The following RTL4 variants were observed in gnomAD, a reference collection of about 807,000 sequenced individuals.
The protein encoded by RTL4 is retrotransposon Gag like 4, also known as retrotransposon Gag-like protein 4.
RTL4 carries 4 observed loss-of-function variants against 5.3 expected under a neutral mutation model. The ratio of observed to expected loss-of-function variants is 0.75; its 90% CI spans 0.37 to 1.72. The LOEUF (loss-of-function observed/expected upper bound fraction) is 1.72. RTL4 is among the 40% of genes most tolerant of loss of function. The pLI is 0.04. For missense variants in RTL4, 260 were observed against 227.1 expected (o/e 1.14, Z -0.93); for synonymous variants, 98 against 87.3 (o/e 1.12, Z -0.68).
chrX:112,114,320 G>T, the RTL4 span, among the ~76,000 whole-genome samples: 1 of 111,796 alleles, frequency 8.9e-6, no homozygotes, highest in Middle Eastern at 4.6e-3. Context: ...CTGACCAGTA[G>T]GGAATTTGTC....
upstream of RTL4, among the ~76,000 whole-genome samples, chrX:112,450,565 G>A (rs1351084667): frequency 9.0e-6 from 1 of 111,424 alleles, no homozygotes; most frequent in Non-Finnish European, 1.9e-5. Flanking sequence ...CCAAAATGAA[G>A]AGGCAAGGTA....
At chrX:112,239,127 C>A in the RTL4 span, among the ~76,000 whole-genome samples, 1 of 111,158 alleles carries the variant, frequency 9.0e-6, no homozygotes, top group Non-Finnish European at 1.9e-5. Flanking sequence ...TCCTCTACCC[C>A]ATTGCCACCT....
chrX:112,213,969 A>G, the RTL4 span, among the ~76,000 whole-genome samples: 1 of 103,004 alleles, frequency 9.7e-6, no homozygotes, highest in Admixed American at 1.0e-4. Flanking sequence ...TCTATGCCAT[A>G]AACTTATTCA....
the RTL4 span, among the ~76,000 whole-genome samples, chrX:112,446,667 G>A: frequency 2.7e-5 from 3 of 112,073 alleles, no homozygotes; most frequent in East Asian, 8.4e-4. Flanking sequence ...GGCCAACATG[G>A]CAAAACTCCA....
the RTL4 span, among the ~76,000 whole-genome samples, chrX:112,342,780 G>T: frequency 3.6e-5 from 4 of 111,840 alleles, no homozygotes; most frequent in Admixed American, 9.5e-5. Context: ...GTCGGAAAGT[G>T]AGTTTTACCT....
chrX:112,115,644 C>G, the RTL4 span, among the ~76,000 whole-genome samples: 1 of 111,583 alleles, frequency 9.0e-6, no homozygotes, highest in South Asian at 3.9e-4. Flanking sequence ...CCTGCCCCCA[C>G]CCCCCCGACA....
chrX:112,087,526 C>T, the RTL4 span, among the ~76,000 whole-genome samples: 733 of 110,632 alleles, frequency 6.6e-3, 1 homozygote, highest in African/African-American at 0.023. Flanking sequence ...CATTTCTCTC[C>T]GGAAAGTTTG....
chrX:112,245,089 T>C, the RTL4 span, among the ~76,000 whole-genome samples: 1 of 112,330 alleles, frequency 8.9e-6, no homozygotes, highest in East Asian at 2.8e-4. Flanking sequence ...GGCTTCCCTT[T>C]GTGGGTAACC....
At chrX:112,148,335 A>C in the RTL4 span, among the ~76,000 whole-genome samples, 2 of 109,387 alleles carry the variant, frequency 1.8e-5, no homozygotes, top group Non-Finnish European at 3.8e-5. Flanking sequence ...TGCAAAAAAA[A>C]AAAAAAAAAA....
At chrX:112,183,567 G>A in the RTL4 span, among the ~76,000 whole-genome samples, 2 of 111,914 alleles carry the variant, frequency 1.8e-5, no homozygotes, top group African/African-American at 6.5e-5. Flanking sequence ...GGACAAAGAA[G>A]GGCATTACAT....
At chrX:112,167,333 C>T in the RTL4 span, among the ~76,000 whole-genome samples, 2 of 111,703 alleles carry the variant, frequency 1.8e-5, no homozygotes, top group Non-Finnish European at 3.8e-5. Flanking sequence ...AGTGGCCAAG[C>T]AAATTGTGTT....
chrX:112,107,061 T>G, the RTL4 span, among the ~76,000 whole-genome samples: 1 of 111,480 alleles, frequency 9.0e-6, no homozygotes, highest in African/African-American at 3.3e-5. Flanking sequence ...TTGCCTGTGG[T>G]TTTGAGTTCT....
At chrX:112,199,084 C>T in the RTL4 span, among the ~76,000 whole-genome samples, 4 of 110,018 alleles carry the variant, frequency 3.6e-5, no homozygotes, top group Non-Finnish European at 5.7e-5. Context: ...GTCAGGAGAT[C>T]GAGACCATCC....
the RTL4 span, among the ~76,000 whole-genome samples, chrX:112,403,141 C>G: frequency 7.2e-5 from 8 of 111,468 alleles, no homozygotes; most frequent in Admixed American, 1.9e-4. Flanking sequence ...TGCATCCCCC[C>G]CAACCTTTGC....
At chrX:112,163,052 G>A in the RTL4 span, among the ~76,000 whole-genome samples, 2 of 111,676 alleles carry the variant, frequency 1.8e-5, no homozygotes, top group Admixed American at 9.5e-5. Context: ...GCTTTAAGAT[G>A]CATGGATCAC....
At chrX:112,145,346 T>C in the RTL4 span, among the ~76,000 whole-genome samples, 3,934 of 111,326 alleles carry the variant, frequency 0.035, 64 homozygotes, top group Non-Finnish European at 0.042. Flanking sequence ...AATGTCAGGG[T>C]GTGAGTGGGG....
the RTL4 span, among the ~76,000 whole-genome samples, chrX:112,338,229 C>T: frequency 9.0e-6 from 1 of 111,583 alleles, no homozygotes; most frequent in Non-Finnish European, 1.9e-5. Context: ...CACCCAGTTG[C>T]CCATGGGCAC....
chrX:112,176,909 A>C, the RTL4 span, among the ~76,000 whole-genome samples: 5 of 111,065 alleles, frequency 4.5e-5, no homozygotes, highest in Non-Finnish European at 7.5e-5. Context: ...TCCCATATAG[A>C]GTGAGCACAT....
chrX:112,326,025 A>C, the RTL4 span, among the ~76,000 whole-genome samples: 4 of 112,464 alleles, frequency 3.6e-5, no homozygotes, highest in Non-Finnish European at 5.6e-5. Context: ...ACATTTATGC[A>C]GCCAACAGAC....
Sources: allele counts gnomAD v4.1 joint callset (sites outside exome capture counted in the v4.1 genomes callset), GRCh38; gene constraint gnomAD v4.1.1; transcripts MANE v1.5; gene names NCBI Gene and HGNC (gene_info 2026-07-23, HGNC 2026-07-21).